The following MAP3K2 variants were observed in gnomAD, a reference collection of about 807,000 sequenced individuals.
MAP3K2 encodes the protein MAP/ERK kinase kinase 2.
MAP3K2 carries 24 observed loss-of-function variants against 80.3 expected under a neutral mutation model. The observed-to-expected ratio is 0.30, with a 90% CI of 0.22 to 0.42. MAP3K2 has a LOEUF of 0.42. MAP3K2 is among the 10% of genes least tolerant of loss of function. MAP3K2 has a pLI of 1.00. For missense variants in MAP3K2, 608 were observed against 750.1 expected (o/e 0.81, Z 2.21); for synonymous variants, 244 against 253.7 (o/e 0.96, Z 0.36).
intron 13 of MAP3K2, 73 bp from the exon 14 acceptor site, chr2:127,317,833 T>C (rs1685936913): frequency 7.3e-7 from 1 of 1,360,830 alleles, no homozygotes; most frequent in East Asian, 2.4e-5. Flanking sequence ...TCATGGACCA[T>C]CAAGGTGATT....
intron 14 of MAP3K2, among the ~76,000 whole-genome samples, chr2:127,315,903 C>T (rs1685892585): frequency 1.3e-5 from 2 of 151,148 alleles, no homozygotes; most frequent in South Asian, 2.1e-4. Context: ...TAGCCAACCC[C>T]GTCTCTACTA....
At position 127,344,124 on chromosome 2, in the gene MAP3K2, A is replaced by G. The variant is rs560761871; in HGVS notation, c.-65-930T>C. 3.3e-5 allele frequency among the ~76,000 whole-genome samples: 5 copies of G among 152,342 alleles called. No individual in the cohort carries two copies. In the South Asian group the frequency reaches 1.0e-3, roughly 32 times the overall value. ...TCAACTAGAAAATAAGATGAAAAAT[A>G]TGAGTGCCAACATGACACTATGAAT... On this transcript the variant is annotated intron_variant, in intron 1 of 16. Transcript: ENST00000682094.
intron 15 of MAP3K2, among the ~76,000 whole-genome samples, chr2:127,313,999 T>G (rs1685854739): frequency 6.6e-6 from 1 of 152,202 alleles, no homozygotes; most frequent in Non-Finnish European, 1.5e-5. Flanking sequence ...ATTTATAAAG[T>G]GATGTCTAAA....
intron 1 of MAP3K2, among the ~76,000 whole-genome samples, chr2:127,347,935 A>G (rs1686627051): frequency 6.6e-6 from 1 of 152,184 alleles, no homozygotes; most frequent in Non-Finnish European, 1.5e-5. Context: ...GTGAAGAAAT[A>G]TGAGCCACTG....
In MAP3K2 at chr2:127,369,983, C is replaced by G. The variant is rs370929863; in HGVS notation, c.-66+17469G>C. Among the ~76,000 whole-genome samples the G allele has an allele frequency of 1.6e-4, 25 of 152,244 alleles. No individual in the cohort carries two copies. The South Asian group carries it at 5.2e-3, about 32-fold the overall frequency. ...CGGAAAAAGATTTGGCTGAAGGCAG[C>G]CAGATTGTCTTATCTGGTGCCTGAA... On this transcript the variant is annotated intron_variant, in intron 1 of 16. Transcript: ENST00000682094.
chr2:127,376,658 C>T (rs1033417796), intron 1 of MAP3K2, among the ~76,000 whole-genome samples: 3 of 152,128 alleles, frequency 2.0e-5, no homozygotes, highest in Non-Finnish European at 2.9e-5. Context: ...CCCCAGCTGA[C>T]CCTCAATGAA....
intron 1 of MAP3K2, among the ~76,000 whole-genome samples, chr2:127,376,525 T>C (rs1041752284): frequency 6.6e-6 from 1 of 152,176 alleles, no homozygotes; most frequent in Admixed American, 6.5e-5. Flanking sequence ...CTGAGTGCAC[T>C]TGTTCATCCA....
At position 127,323,903 on chromosome 2, in the gene MAP3K2, A is replaced by T; in HGVS notation, c.837T>A (p.Asp279Glu). 7.0e-7 allele frequency: 1 copy of T among 1,435,916 alleles called. No individual in the cohort carries two copies. Among genetic ancestry groups the T allele is most frequent in the Non-Finnish European group, 9.5e-7 (1 of 1,056,038 alleles). The allele number at this position is 1,435,916 out of a possible 1,614,324, so 88.9% of individuals were successfully genotyped here. A position where few individuals can be genotyped will look rare whatever the true frequency, so the allele number is the denominator to read the frequency against. The part of the protein sequence containing the change: ...HVSYHHQEYN[D>E]GRKTFPRARR... The stretch of plus-strand genomic sequence containing the variant: ...GTGGTCTAATTGCTAGAAACTTACC[A>T]TCATTATACTCTTGATGATGATATG... The change falls in exon 11 of 17, where the codon GAT becomes GAA. Residue 279 changes from aspartate (D) to glutamate (E), a missense_variant and splice_region_variant. By Grantham distance (45) the Asp-to-Glu change is conservative (BLOSUM62 2). Transcript: ENST00000682094.
chr2:127,342,388 G>GGGGTGTGTGT (rs143219830), intron 2 of MAP3K2, among the ~76,000 whole-genome samples: 18 of 147,862 alleles, frequency 1.2e-4, no homozygotes, highest in African/African-American at 1.5e-4. Flanking sequence ...TCTTCATGAG[G>GGGGTGTGTGT]GTGTGTGTGT....
chr2:127,385,905 A>C (rs553808847), intron 1 of MAP3K2, among the ~76,000 whole-genome samples: 2 of 152,362 alleles, frequency 1.3e-5, no homozygotes, highest in Admixed American at 6.5e-5. Flanking sequence ...CCAATTATTT[A>C]AGATAAGCCT....
chr2:127,314,544 C>T (rs1291519151), intron 15 of MAP3K2, among the ~76,000 whole-genome samples: 1 of 152,174 alleles, frequency 6.6e-6, no homozygotes, highest in Non-Finnish European at 1.5e-5. Flanking sequence ...TTTACTGGTT[C>T]TGTGAGCCCC....
chr2:127,340,569 A>C (rs1040228261), intron 2 of MAP3K2, among the ~76,000 whole-genome samples: 1 of 152,034 alleles, frequency 6.6e-6, no homozygotes, highest in Non-Finnish European at 1.5e-5. Flanking sequence ...AGGCAGGAGA[A>C]TCTCTTGAAC....
chr2:127,368,068 T>C (rs2104882847), intron 1 of MAP3K2, among the ~76,000 whole-genome samples: 1 of 152,290 alleles, frequency 6.6e-6, no homozygotes, highest in South Asian at 2.1e-4. Context: ...ACGCCTGTAA[T>C]CCCAGCACTC....
Position 127,343,132 on chromosome 2 carries a change from T to C in MAP3K2, c.-3A>G, listed in dbSNP as rs1197042272. The C allele has an allele frequency of 2.6e-6, 4 of 1,554,070 alleles. No homozygotes were observed. In the South Asian group the frequency reaches 3.6e-5, roughly 14 times the overall value. ...GCTTTTAGTTTGAACTCACCCATTA[T>C]GGCAAACAGCTCAACAATTTGAAAA... is the stretch of plus-strand genomic sequence containing the variant. On this transcript the variant is annotated 5_prime_UTR_variant, in exon 2 of 17. Coordinates refer to ENST00000682094, the MANE Select transcript of MAP3K2 (RefSeq NM_001371910.2).
chr2:127,365,520 T>C (rs551205849), intron 1 of MAP3K2, among the ~76,000 whole-genome samples: 8 of 152,266 alleles, frequency 5.3e-5, no homozygotes, highest in East Asian at 1.9e-4. Context: ...AGAGCTGCAG[T>C]TGCCAGCCGA....
At chr2:127,354,760 C>T (rs1364412839) in intron 1 of MAP3K2, among the ~76,000 whole-genome samples, 1 of 151,790 alleles carries the variant, frequency 6.6e-6, no homozygotes, top group Non-Finnish European at 1.5e-5. Flanking sequence ...AAAATGTGAG[C>T]CAGTCAACTA....
At chr2:127,328,000 C>G (rs1455329604) in intron 7 of MAP3K2, among the ~76,000 whole-genome samples, 1 of 152,196 alleles carries the variant, frequency 6.6e-6, no homozygotes, top group Non-Finnish European at 1.5e-5. Context: ...TAGAGCTGGG[C>G]ACTGTGGCTC....
chr2:127,316,186 C>T (rs1685899214), intron 14 of MAP3K2, among the ~76,000 whole-genome samples: 1 of 152,056 alleles, frequency 6.6e-6, no homozygotes, highest in Non-Finnish European at 1.5e-5. Context: ...CCAGCCTGGC[C>T]AACATGGTGA....
chr2:127,335,924 A>G lies in MAP3K2; in HGVS notation c.210T>C (p.Ser70=). ...ACTGTCCAAAGGCAATTTTAGCTTT[A>G]GATCTCAGATCTTCCAGTTTAACTG... ...PRPVKLEDLR[S]KAKIAFGQSM... is the part of the protein sequence containing the mutation. Residue 70 remains serine, a synonymous_variant, in exon 5 of 17, where the codon TCT becomes TCC. Transcript: ENST00000682094. The G allele has an allele frequency of 6.4e-7, 1 of 1,574,776 alleles. No homozygotes were observed. Among genetic ancestry groups the G allele is most frequent in the African/African-American group, 1.3e-5 (1 of 74,454 alleles).
Sources: gnomAD v4.1 joint callset for allele counts (sites outside exome capture counted in the v4.1 genomes callset) on GRCh38, gnomAD v4.1.1 for gene constraint, MANE v1.5 for transcripts, NCBI Gene and HGNC (gene_info 2026-07-23, HGNC 2026-07-21) for gene names.